The following SLIT3 variants were observed in gnomAD, a reference collection of about 807,000 sequenced individuals.
The protein encoded by SLIT3 is slit homolog 3 protein.
Under a neutral mutation model 184.0 loss-of-function variants are expected in SLIT3, and 68 were observed. The ratio of observed to expected loss-of-function variants is 0.37; its 90% confidence interval spans 0.30 to 0.45. The LOEUF (loss-of-function observed/expected upper bound fraction) is 0.45. Ranked by LOEUF, SLIT3 falls within the 20% of genes least tolerant of loss-of-function variation. The pLI is 1.00. For synonymous variants in SLIT3, 831 were observed against 828.6 expected (o/e 1.00, Z -0.05); for missense variants, 1,707 against 2,026.0 (o/e 0.84, Z 3.02).
Position 169,240,289 on chromosome 5 carries a change from T to G in SLIT3, c.341+4416A>C, listed in dbSNP as rs552562632. On this transcript the variant is annotated intron_variant, in intron 3 of 35. Transcript: ENST00000519560. ...AATATTGTTATTTAATATTCTATAT[T>G]TTTACCAAGAATTGTACCTCCTTGT... Among the ~76,000 whole-genome samples, 3 of 152,056 alleles carry G rather than the reference T, an allele frequency of 2.0e-5. No homozygotes were observed. In the East Asian group the frequency reaches 5.8e-4, roughly 29 times the overall value.
intron 12 of SLIT3, among the ~76,000 whole-genome samples, chr5:168,780,617 G>A (rs1310627888): frequency 6.6e-6 from 1 of 152,196 alleles, no homozygotes; most frequent in East Asian, 1.9e-4. Context: ...TGGCACGAAC[G>A]CTTAGTGAAG....
rs78557326 is a variant in SLIT3, at chr5:168,772,767, C to G, written c.1459+14G>C. 1.2e-6 allele frequency: 2 copies of G among 1,614,032 alleles called. No homozygotes were observed. Among genetic ancestry groups the G allele is most frequent in the Non-Finnish European group, 1.7e-6 (2 of 1,179,998 alleles). ...TGAGTCAGAAAGCGGGGCCCAGCCC[C>G]GTAACCTGATTACCTGAGCAGCGGA... is the stretch of plus-strand genomic sequence containing the variant. On this transcript the variant is annotated intron_variant, in intron 14 of 35. Coordinates refer to ENST00000519560, the MANE Select transcript of SLIT3 (RefSeq NM_003062.4).
chr5:169,175,603 G>A (rs1762958814), intron 4 of SLIT3, among the ~76,000 whole-genome samples: 2 of 152,146 alleles, frequency 1.3e-5, no homozygotes, highest in Non-Finnish European at 2.9e-5. Flanking sequence ...TTGCTGCTTC[G>A]TGGTTGTGTT....
intron 4 of SLIT3, among the ~76,000 whole-genome samples, chr5:169,144,186 A>G (rs1162128602): frequency 6.6e-6 from 1 of 151,860 alleles, no homozygotes; most frequent in Non-Finnish European, 1.5e-5. Context: ...TGTGCCCTTT[A>G]TTTTCCATTC....
chr5:169,045,513 C>A (rs1757595361), intron 4 of SLIT3, among the ~76,000 whole-genome samples: 1 of 151,728 alleles, frequency 6.6e-6, no homozygotes, highest in South Asian at 2.1e-4. Flanking sequence ...ACCATCCACA[C>A]TTTCCAGGGC....
intron 4 of SLIT3, among the ~76,000 whole-genome samples, chr5:168,931,000 GC>G (rs1761971274): frequency 6.6e-6 from 1 of 152,086 alleles, no homozygotes. Flanking sequence ...CACAGGTCTG[GC>G]AATGCCACTG....
At chr5:168,766,297 A>G (rs1755343120) in intron 14 of SLIT3, among the ~76,000 whole-genome samples, 1 of 152,264 alleles carries the variant, frequency 6.6e-6, no homozygotes, top group Non-Finnish European at 1.5e-5. Context: ...GGAGGAAAGA[A>G]GCAGAAAGAG....
intron 2 of SLIT3, among the ~76,000 whole-genome samples, chr5:169,247,754 C>G (rs563153721): frequency 6.6e-6 from 1 of 152,170 alleles, no homozygotes; most frequent in East Asian, 1.9e-4. Flanking sequence ...GCGCATGCCA[C>G]CACACCCACC....
intron 4 of SLIT3, among the ~76,000 whole-genome samples, chr5:169,121,516 G>A (rs953994030): frequency 6.6e-6 from 1 of 152,126 alleles, no homozygotes; most frequent in African/African-American, 2.4e-5. Flanking sequence ...ACTCAGAAGG[G>A]TTTCACTTCC....
intron 1 of SLIT3, among the ~76,000 whole-genome samples, chr5:169,269,114 C>A (rs566091903): frequency 1.8e-4 from 27 of 152,310 alleles, no homozygotes; most frequent in African/African-American, 6.3e-4. Flanking sequence ...CTCTCAGGGA[C>A]TTGAAGGTGC....
intron 4 of SLIT3, among the ~76,000 whole-genome samples, chr5:168,947,384 C>T (rs10055272): frequency 6.6e-6 from 1 of 152,172 alleles, no homozygotes; most frequent in African/African-American, 2.4e-5. Flanking sequence ...GGGAGAGCCA[C>T]CGTCTGCCGC....
chr5:169,232,185 G>A (rs1469634142), intron 3 of SLIT3, among the ~76,000 whole-genome samples: 2 of 152,086 alleles, frequency 1.3e-5, no homozygotes, highest in East Asian at 3.9e-4. Flanking sequence ...CGTCTTCTGT[G>A]CCTTGCTTAT....
At chr5:168,881,701 C>T (rs1042924143) in intron 5 of SLIT3, among the ~76,000 whole-genome samples, 3 of 152,188 alleles carry the variant, frequency 2.0e-5, no homozygotes, top group African/African-American at 2.4e-5. Context: ...ACTAGAAAAG[C>T]GCTCTGACAT....
chr5:168,741,012 C>T, intron 20 of SLIT3, among the ~76,000 whole-genome samples: 1 of 152,190 alleles, frequency 6.6e-6, no homozygotes, highest in East Asian at 1.9e-4. Flanking sequence ...CACGTGGGGG[C>T]ATTTTTGTAC....
At chr5:169,217,130 T>TAAAAAAAAAAAAAAAAAAAAA (rs55757348) in intron 3 of SLIT3, among the ~76,000 whole-genome samples, 1 of 126,948 alleles carries the variant, frequency 7.9e-6, no homozygotes, top group Non-Finnish European at 1.7e-5. Context: ...TTGAGTAGGT[T>TAAAAAAAAAAAAAAAAAAAAA]AAAAAAAAAA....
rs1341470325 is a variant in SLIT3, at chr5:168,968,449, T to C, written c.414-85113A>G. On this transcript the variant is annotated intron_variant, in intron 4 of 35. Coordinates refer to ENST00000519560, the MANE Select transcript of SLIT3 (RefSeq NM_003062.4). Reference sequence around the variant, plus strand: ...CAGACACCACTCTTCACTGCCATCATTGTCAACAGTCTCGCTGCCAACTTT... The same window carrying C: ...CAGACACCACTCTTCACTGCCATCACTGTCAACAGTCTCGCTGCCAACTTT... 3.9e-5 allele frequency among the ~76,000 whole-genome samples: 6 copies of C among 152,354 alleles called. No homozygotes were observed. In the East Asian group the frequency reaches 9.6e-4, roughly 24 times the overall value.
At chr5:169,126,493 CAT>C (rs1286441565) in intron 4 of SLIT3, among the ~76,000 whole-genome samples, 1 of 152,222 alleles carries the variant, frequency 6.6e-6, no homozygotes, top group Non-Finnish European at 1.5e-5. Flanking sequence ...GTCTTTGATT[CAT>C]AGTCAAGGGA....
At chr5:169,005,935 A>T (rs969532495) in intron 4 of SLIT3, among the ~76,000 whole-genome samples, 1 of 152,252 alleles carries the variant, frequency 6.6e-6, no homozygotes, top group Admixed American at 6.5e-5. Context: ...CTTCAAGTTT[A>T]TACTTTCCCC....
chr5:169,268,806 G>A (rs1766494959), intron 1 of SLIT3, among the ~76,000 whole-genome samples: 1 of 152,178 alleles, frequency 6.6e-6, no homozygotes, highest in African/African-American at 2.4e-5. Flanking sequence ...AAGTTGTACT[G>A]CTGGAAAACT....
Sources: gnomAD v4.1 joint callset for allele counts (sites outside exome capture counted in the v4.1 genomes callset) on GRCh38, gnomAD v4.1.1 for gene constraint, MANE v1.5 for transcripts, NCBI Gene and HGNC (gene_info 2026-07-23, HGNC 2026-07-21) for gene names.